The following SOX5 variants were observed in gnomAD, a reference collection of about 807,000 sequenced individuals.
The protein encoded by SOX5 is transcription factor SOX-5.
In SOX5, 9 loss-of-function variants were observed where a neutral mutation model predicts 92.0. The observed-to-expected ratio is 0.10, with a 90% CI of 0.06 to 0.17. The LOEUF is 0.17. Ranked by LOEUF, SOX5 falls within the 10% of genes least tolerant of loss-of-function variation. SOX5 has a pLI of 1.00. For missense variants in SOX5, 642 were observed against 944.5 expected (o/e 0.68, Z 4.20); for synonymous variants, 344 against 336.3 (o/e 1.02, Z -0.25).
At chr12:24,280,738 T>G (rs1945068367) in intron 2 of SOX5, among the ~76,000 whole-genome samples, 1 of 152,052 alleles carries the variant, frequency 6.6e-6, no homozygotes, top group African/African-American at 2.4e-5. Context: ...AAAGTATGCT[T>G]ATGAGAGGGT....
chr12:24,374,257 T>G (rs907988492), intron 1 of SOX5, among the ~76,000 whole-genome samples: 1 of 151,924 alleles, frequency 6.6e-6, no homozygotes. Flanking sequence ...ACAGTCCTCT[T>G]TCATTGACAT....
At chr12:23,964,879 G>A (rs149879754) in intron 4 of SOX5, among the ~76,000 whole-genome samples, 1 of 152,294 alleles carries the variant, frequency 6.6e-6, no homozygotes, top group African/African-American at 2.4e-5. Context: ...TTCGACAGAT[G>A]ACCCATAATA....
At chr12:24,365,229 C>T (rs1956049806) in intron 2 of SOX5, among the ~76,000 whole-genome samples, 1 of 152,052 alleles carries the variant, frequency 6.6e-6, no homozygotes. Context: ...GGAATTCTTT[C>T]CCATTTTTGA....
At chr12:23,619,928 G>T (rs2076981948) in intron 8 of SOX5, among the ~76,000 whole-genome samples, 1 of 152,010 alleles carries the variant, frequency 6.6e-6, no homozygotes, top group Non-Finnish European at 1.5e-5. Flanking sequence ...TTCATTCTAG[G>T]TCTTTAGCTC....
chr12:24,101,838 G>T (rs1302078541), intron 4 of SOX5, among the ~76,000 whole-genome samples: 1 of 152,096 alleles, frequency 6.6e-6, no homozygotes, highest in African/African-American at 2.4e-5. Context: ...TGATGTGGAG[G>T]ATAGACCCAT....
intron 1 of SOX5, among the ~76,000 whole-genome samples, chr12:24,412,171 C>T (rs547391088): frequency 6.6e-6 from 1 of 152,052 alleles, no homozygotes; most frequent in South Asian, 2.1e-4. Context: ...ATATCGATAA[C>T]TTGTGTTTTT....
chr12:24,355,282 C>CAATTTTTTTTTTTTTTTTTTTTTTTT (rs1221012836), intron 2 of SOX5, among the ~76,000 whole-genome samples: 1 of 71,920 alleles, frequency 1.4e-5, no homozygotes. Flanking sequence ...AGGGGTGCAT[C>CAATTTTTTTTTTTTTTTTTTTTTTTT]TTTTTTTTTT....
intron 2 of SOX5, among the ~76,000 whole-genome samples, chr12:24,348,146 T>A (rs989740941): frequency 6.6e-6 from 1 of 151,088 alleles, no homozygotes; most frequent in Non-Finnish European, 1.5e-5. Context: ...GATATTTGAA[T>A]CATGGCATTA....
At chr12:23,783,725 T>A (rs898988087) in intron 3 of SOX5, among the ~76,000 whole-genome samples, 2 of 152,208 alleles carry the variant, frequency 1.3e-5, no homozygotes, top group Admixed American at 1.3e-4. Flanking sequence ...TCACAGTAAC[T>A]TTACCCAAAT....
At chr12:24,207,278 G>C (rs1342732294) in intron 4 of SOX5, among the ~76,000 whole-genome samples, 1 of 152,146 alleles carries the variant, frequency 6.6e-6, no homozygotes, top group Non-Finnish European at 1.5e-5. Flanking sequence ...TGTAGTCTGA[G>C]ATGTAAATGG....
intron 4 of SOX5, among the ~76,000 whole-genome samples, chr12:23,747,956 GA>G (rs1383320533): frequency 1.1e-5 from 1 of 91,478 alleles, no homozygotes; most frequent in Non-Finnish European, 2.3e-5. Context: ...TTAAATGAAA[GA>G]GATTAAAAAA....
intron 2 of SOX5, among the ~76,000 whole-genome samples, chr12:24,294,161 G>A (rs776772483): frequency 8.5e-5 from 13 of 152,192 alleles, no homozygotes; most frequent in Middle Eastern, 6.8e-3. Context: ...CCATCTGTTC[G>A]CCTTCATGTA....
chr12:24,314,017 A>G (rs920145058), intron 2 of SOX5, among the ~76,000 whole-genome samples: 2 of 152,098 alleles, frequency 1.3e-5, no homozygotes, highest in African/African-American at 4.8e-5. Flanking sequence ...AATCCAGTTG[A>G]TGGAATCTTT....
At chr12:23,814,428 G>A (rs376512261) in intron 3 of SOX5, among the ~76,000 whole-genome samples, 3 of 152,208 alleles carry the variant, frequency 2.0e-5, no homozygotes, top group African/African-American at 7.2e-5. Flanking sequence ...AGAAAGCAGT[G>A]GAAAAGACTG....
intron 4 of SOX5, among the ~76,000 whole-genome samples, chr12:24,039,154 C>T (rs1956300329): frequency 6.6e-6 from 1 of 152,076 alleles, no homozygotes; most frequent in Admixed American, 6.5e-5. Context: ...TGTGAACAGT[C>T]ATGGAAACTG....
At chr12:24,440,700 A>AC (rs1162222403) in intron 1 of SOX5, among the ~76,000 whole-genome samples, 5 of 150,812 alleles carry the variant, frequency 3.3e-5, no homozygotes, top group Non-Finnish European at 7.4e-5. Flanking sequence ...CTGTGACCAT[A>AC]CTCTTCATCA....
chr12:23,918,053 T>C (rs2097436266), intron 1 of SOX5, among the ~76,000 whole-genome samples: 1 of 152,178 alleles, frequency 6.6e-6, no homozygotes, highest in African/African-American at 2.4e-5. Context: ...GTAGGTTATA[T>C]GAGTTATATT....
chr12:23,634,880 G>A (rs2079022856), intron 8 of SOX5, among the ~76,000 whole-genome samples: 2 of 152,060 alleles, frequency 1.3e-5, no homozygotes, highest in South Asian at 4.1e-4. Context: ...AGCTATTTGA[G>A]CAAAATAGAT....
chr12:24,078,690 T>C (rs1942955085), intron 4 of SOX5, among the ~76,000 whole-genome samples: 1 of 152,074 alleles, frequency 6.6e-6, no homozygotes, highest in Non-Finnish European at 1.5e-5. Flanking sequence ...GAACCTCAAG[T>C]AAGGTAAAGG....
Sources: allele counts gnomAD v4.1 joint callset (sites outside exome capture counted in the v4.1 genomes callset), GRCh38; gene constraint gnomAD v4.1.1; transcripts MANE v1.5; gene names NCBI Gene and HGNC (gene_info 2026-07-23, HGNC 2026-07-21).